Variants in LARGE1 observed in about 807,000 individuals in gnomAD.
LARGE1 encodes xylosyl- and glucuronyltransferase LARGE1.
A neutral mutation model predicts 87.6 loss-of-function variants in LARGE1; 43 were observed. The observed-to-expected ratio is 0.49, with a 90% CI of 0.38 to 0.63. The LOEUF (loss-of-function observed/expected upper bound fraction) is 0.63. Among genes scored for constraint, LARGE1 ranks in the 30% least tolerant of loss-of-function variants. LARGE1 has a pLI of 0.00. For missense variants in LARGE1, 802 were observed against 1,000.2 expected, an observed-to-expected ratio of 0.80 and a Z score of 2.67; for synonymous variants, 434 against 394.6, an observed-to-expected ratio of 1.10 and a Z score of -1.18.
At chr22:33,342,618 A>T (rs1382278998) in intron 9 of LARGE1, among the ~76,000 whole-genome samples, 1 of 152,166 alleles carries the variant, frequency 6.6e-6, no homozygotes, top group Non-Finnish European at 1.5e-5. Flanking sequence ...AGTCTGCCCA[A>T]CATCACATGG....
At chr22:33,371,770 G>A (rs562893907) in intron 9 of LARGE1, among the ~76,000 whole-genome samples, 15 of 152,226 alleles carry the variant, frequency 9.9e-5, no homozygotes, top group East Asian at 3.9e-4. Flanking sequence ...GGATCATGAG[G>A]TCAGGAGATC....
Position 33,547,793 on chromosome 22 carries a change from C to CAA in LARGE1, c.787+17053_787+17054dup, listed in dbSNP as rs57220257. Among the ~76,000 whole-genome samples the CAA allele has an allele frequency of 2.4e-3, 86 of 35,740 alleles. 11 individuals are homozygous for CAA. Among genetic ancestry groups the CAA allele is most frequent in the African/African-American group, 5.0e-3 (44 of 8,744 alleles). 23.4% of individuals were successfully genotyped at this position (35,740 alleles called of 152,430 possible). The stretch of plus-strand genomic sequence containing the variant: ...TGGACGACAGAGTGAGACTCCATCT[C>CAA]AAAAAAAAAAAAAAAAAAAAAAAAA... On this transcript the variant is annotated intron_variant, in intron 6 of 14. Transcript: ENST00000397394.
intron 1 of LARGE1, 78 bp from the exon 2 acceptor site, chr22:33,761,636 A>C: frequency 2.9e-6 from 2 of 687,852 alleles, no homozygotes; most frequent in Non-Finnish European, 5.3e-6. Flanking sequence ...GAAATATCTC[A>C]TAGATCCTGA....
chr22:33,306,861 CAAA>C (rs200525916), intron 11 of LARGE1, among the ~76,000 whole-genome samples: 8 of 101,354 alleles, frequency 7.9e-5, no homozygotes, highest in South Asian at 3.2e-4. Context: ...GAATCTGTCT[CAAA>C]AAAAAAAAAA....
intron 7 of LARGE1, among the ~76,000 whole-genome samples, chr22:33,401,537 TAG>T (rs1020773270): frequency 2.6e-5 from 4 of 152,186 alleles, no homozygotes; most frequent in Admixed American, 2.6e-4. Context: ...GATTTCTGTT[TAG>T]AGAGTGGTAG....
chr22:33,330,801 C>T (rs772697047), intron 10 of LARGE1, among the ~76,000 whole-genome samples: 2 of 152,204 alleles, frequency 1.3e-5, no homozygotes, highest in African/African-American at 2.4e-5. Context: ...CTCTGCCCCT[C>T]ACATCTTGGC....
intron 2 of LARGE1, among the ~76,000 whole-genome samples, chr22:33,706,293 C>G (rs1389602808): frequency 1.3e-5 from 2 of 152,198 alleles, no homozygotes; most frequent in Admixed American, 1.3e-4. Context: ...CACCCCCACA[C>G]AAGCCTCCAG....
chr22:33,849,592 C>CTTTTTTTTTTTT (rs71187287), intron 1 of LARGE1, among the ~76,000 whole-genome samples: 8 of 88,592 alleles, frequency 9.0e-5, no homozygotes, highest in African/African-American at 2.4e-4. Context: ...CTTTTCTTCT[C>CTTTTTTTTTTTT]TTTTTTTTTT....
At chr22:33,373,585 G>A (rs2064890459) in intron 9 of LARGE1, among the ~76,000 whole-genome samples, 1 of 152,076 alleles carries the variant, frequency 6.6e-6, no homozygotes, top group African/African-American at 2.4e-5. Context: ...TTCTACCCTT[G>A]AGAAGGCCTG....
At chr22:33,653,340 TCTCCTGGACTTTGAGCTCAGCTATG>T (rs1480197284) in intron 2 of LARGE1, among the ~76,000 whole-genome samples, 1 of 152,172 alleles carries the variant, frequency 6.6e-6, no homozygotes, top group Non-Finnish European at 1.5e-5. Context: ...GTAAACAAGG[TCTCCTGGACTTTGAGCTCAGCTATG>T]CTCCTGCATA....
intron 2 of LARGE1, among the ~76,000 whole-genome samples, chr22:33,696,430 AT>A (rs144012591): frequency 0.038 from 5,810 of 151,540 alleles, 365 homozygotes; most frequent in African/African-American, 0.13. Flanking sequence ...CGCCCAGCTA[AT>A]TTTTTGTATT....
chr22:33,873,600 T>C (rs1235974930), intron 1 of LARGE1, among the ~76,000 whole-genome samples: 1 of 152,086 alleles, frequency 6.6e-6, no homozygotes, highest in Non-Finnish European at 1.5e-5. Context: ...GTCACAACCA[T>C]AGAACCTGGG....
At chr22:33,261,323 G>A (rs1008572235) in intron 11 of LARGE1, among the ~76,000 whole-genome samples, 32 of 152,140 alleles carry the variant, frequency 2.1e-4, no homozygotes, top group African/African-American at 7.7e-4. Context: ...GCTTTGCCAT[G>A]TTTAAACTTC....
intron 9 of LARGE1, among the ~76,000 whole-genome samples, chr22:33,366,627 A>AGAC (rs1240913161): frequency 6.6e-6 from 1 of 152,182 alleles, no homozygotes; most frequent in Non-Finnish European, 1.5e-5. Flanking sequence ...TTCATGAGTG[A>AGAC]GACTGGCTTG....
intron 1 of LARGE1, among the ~76,000 whole-genome samples, chr22:33,778,395 C>T (rs1181027856): frequency 6.6e-6 from 1 of 152,162 alleles, no homozygotes; most frequent in African/African-American, 2.4e-5. Flanking sequence ...GCATTTAGTA[C>T]ATTCACGATG....
At chr22:33,226,735 T>C (rs977095472) in intron 11 of LARGE1, among the ~76,000 whole-genome samples, 8 of 77,398 alleles carry the variant, frequency 1.0e-4, no homozygotes, top group Admixed American at 2.0e-4. Context: ...TATTTATTAT[T>C]ATTTTTTTTT....
chr22:33,855,918 G>T (rs573351145), intron 1 of LARGE1, among the ~76,000 whole-genome samples: 1 of 152,250 alleles, frequency 6.6e-6, no homozygotes, highest in Non-Finnish European at 1.5e-5. Flanking sequence ...TTAAGACAAA[G>T]AAACTGAAGC....
At chr22:33,348,275 C>T (rs1228905457) in intron 9 of LARGE1, among the ~76,000 whole-genome samples, 2 of 92,214 alleles carry the variant, frequency 2.2e-5, no homozygotes, top group Non-Finnish European at 4.2e-5. Context: ...CCCGCTCCCC[C>T]ACCCACCCCC....
At chr22:33,228,759 A>C (rs1925858747) in intron 11 of LARGE1, among the ~76,000 whole-genome samples, 2 of 152,224 alleles carry the variant, frequency 1.3e-5, no homozygotes. Flanking sequence ...ACAATGTTGC[A>C]CTGATTCACA....
Sources: gnomAD v4.1 joint callset for allele counts (sites outside exome capture counted in the v4.1 genomes callset) on GRCh38, gnomAD v4.1.1 for gene constraint, MANE v1.5 for transcripts, NCBI Gene and HGNC (gene_info 2026-07-23, HGNC 2026-07-21) for gene names.